Variants in GALNT2 observed in about 807,000 individuals in gnomAD.
GALNT2 encodes UDP-GalNAc:polypeptide N-acetylgalactosaminyltransferase 2.
In GALNT2, 31 loss-of-function variants were observed where a neutral mutation model predicts 81.4. The ratio of observed to expected loss-of-function variants is 0.38; its 90% CI spans 0.29 to 0.51. The LOEUF is 0.51. GALNT2 is among the 20% of genes least tolerant of loss of function. The pLI is 0.87. For missense variants in GALNT2, 629 were observed against 765.7 expected, an observed-to-expected ratio of 0.82 and a Z score of 2.11; for synonymous variants, 303 against 287.4, an observed-to-expected ratio of 1.05 and a Z score of -0.55.
Position 230,262,482 on chromosome 1 carries a change from C to T in GALNT2, c.1137-91C>T, listed in dbSNP as rs370123521. On this transcript the variant is annotated intron_variant, in intron 11 of 15. Transcript: ENST00000366672. ...GAGCTGCTGCACACCCAGAGGGAGC[C>T]GCCTCAGTCACACGCCAGCAGACAG... 6.1e-5 allele frequency: 67 copies of T among 1,091,500 alleles called. No homozygotes were observed. The African/African-American group carries it at 7.7e-4, about 13-fold the overall frequency. The allele number at this position is 1,091,500 out of a possible 1,614,324, so 67.6% of individuals were successfully genotyped here. A position where few individuals can be genotyped will look rare whatever the true frequency, so the allele number is the denominator to read the frequency against.
At chr1:230,185,384 G>A (rs1311092351) in intron 2 of GALNT2, among the ~76,000 whole-genome samples, 4 of 151,746 alleles carry the variant, frequency 2.6e-5, no homozygotes, top group African/African-American at 9.7e-5. Context: ...CTTGGTGCAC[G>A]GAACCCTGGT....
chr1:230,142,282 C>G (rs1414352868), intron 1 of GALNT2, among the ~76,000 whole-genome samples: 1 of 152,176 alleles, frequency 6.6e-6, no homozygotes, highest in Non-Finnish European at 1.5e-5. Flanking sequence ...CCACTTCTTT[C>G]CACATCAGCA....
intron 1 of GALNT2, among the ~76,000 whole-genome samples, chr1:230,104,871 A>G (rs1426810009): frequency 6.6e-6 from 1 of 152,220 alleles, no homozygotes; most frequent in Non-Finnish European, 1.5e-5. Context: ...ACTTAGGGAA[A>G]TGCCACACAG....
intron 10 of GALNT2, among the ~76,000 whole-genome samples, chr1:230,251,229 C>T (rs1476422040): frequency 6.6e-6 from 1 of 152,018 alleles, no homozygotes; most frequent in East Asian, 1.9e-4. Flanking sequence ...TCAATTAAAG[C>T]CTTTTGTTTC....
At position 230,255,310 on chromosome 1, in the gene GALNT2, A is replaced by G. The variant is rs1324319545; in HGVS notation, c.1102A>G (p.Thr368Ala). 8 of 1,614,072 alleles carry G rather than the reference A, an allele frequency of 5.0e-6. No homozygotes were observed. Among genetic ancestry groups the G allele is most frequent in the Non-Finnish European group, 6.8e-6 (8 of 1,180,044 alleles). Residue 368 changes from threonine to alanine, a missense_variant, in exon 11 of 16, where the codon ACG becomes GCG. By Grantham distance (58) the Thr-to-Ala change is moderately conservative. Around this residue, in one of 3 missense-constraint regions of GALNT2, gnomAD observed 360 missense variants for 492.8 expected, o/e 0.73. Coordinates refer to ENST00000366672, the MANE Select transcript of GALNT2 (RefSeq NM_004481.5). ...GHVFRKQHPYTFPGGSGTVFA... is the reference protein window; with the variant it reads ...GHVFRKQHPYAFPGGSGTVFA... The stretch of plus-strand genomic sequence containing the variant: ...CGTGTTCCGGAAGCAGCACCCCTAC[A>G]CGTTCCCGGGTGGCAGTGGCACTGT...
chr1:230,136,479 G>A (rs774024823), intron 1 of GALNT2, among the ~76,000 whole-genome samples: 13 of 152,154 alleles, frequency 8.5e-5, no homozygotes, highest in Admixed American at 5.9e-4. Context: ...TGTCTGCCGC[G>A]CTTTCTCTCC....
intron 1 of GALNT2, among the ~76,000 whole-genome samples, chr1:230,131,061 ATC>A (rs1558099167): frequency 6.6e-6 from 1 of 152,232 alleles, no homozygotes. Context: ...TGAGAAAGAA[ATC>A]AACAACCTAA....
chr1:230,233,590 G>T (rs982979891), intron 3 of GALNT2, among the ~76,000 whole-genome samples: 2 of 152,088 alleles, frequency 1.3e-5, no homozygotes, highest in African/African-American at 4.8e-5. Context: ...TCCAGCCTGG[G>T]TGACAAGAGC....
chr1:230,203,397 A>G, intron 3 of GALNT2, 107 bp downstream of exon 3: 1 of 1,316,400 alleles, frequency 7.6e-7, no homozygotes, highest in Non-Finnish European at 1.1e-6. Flanking sequence ...TGGGAAATTG[A>G]ATGTGTGTTG....
upstream of GALNT2, among the ~76,000 whole-genome samples, chr1:230,066,577 T>G (rs1391548385): frequency 1.3e-5 from 2 of 152,204 alleles, no homozygotes; most frequent in African/African-American, 2.4e-5. Context: ...TCAGGAATGT[T>G]TTGCTGCAAG....
At chr1:230,260,097 G>T (rs376360910) in intron 11 of GALNT2, among the ~76,000 whole-genome samples, 1 of 152,214 alleles carries the variant, frequency 6.6e-6, no homozygotes, top group Admixed American at 6.5e-5. Context: ...AGGCAGTTTC[G>T]TCACTATCTC....
At chr1:230,093,119 G>A (rs1301473442) in intron 1 of GALNT2, among the ~76,000 whole-genome samples, 2 of 152,210 alleles carry the variant, frequency 1.3e-5, no homozygotes, top group Non-Finnish European at 2.9e-5. Context: ...AAGCCAAGGG[G>A]AGCTCCTTCA....
chr1:230,082,439 C>G (rs780546576), intron 1 of GALNT2, among the ~76,000 whole-genome samples: 4 of 152,246 alleles, frequency 2.6e-5, no homozygotes, highest in Non-Finnish European at 5.9e-5. Context: ...TGCAGTTCCA[C>G]AGCCATTCAG....
intron 3 of GALNT2, among the ~76,000 whole-genome samples, chr1:230,208,582 A>G (rs1373849453): frequency 6.6e-6 from 1 of 152,186 alleles, no homozygotes; most frequent in African/African-American, 2.4e-5. Context: ...GTTAAGCCCA[A>G]GGGAATGGAT....
In GALNT2 at chr1:230,193,030, T is replaced by C. The variant is rs776989653; in HGVS notation, c.221-10107T>C. On this transcript the variant is annotated intron_variant, in intron 2 of 15. Coordinates refer to ENST00000366672, the MANE Select transcript of GALNT2 (RefSeq NM_004481.5). The surrounding 1 kb of genome is among the most constrained non-coding windows in gnomAD (Gnocchi z 4.3). ...AGGAAGAATATTAGGATTTTTTTTC[T>C]TTTAAGCACAGTAAAATTACATTCA... 3.9e-5 allele frequency among the ~76,000 whole-genome samples: 6 copies of C among 152,242 alleles called. No individual in the cohort carries two copies. The highest frequency in any genetic ancestry group is 1.4e-4 in the African/African-American group (6 of 41,458).
chr1:230,085,289 A>G (rs1041160266), intron 1 of GALNT2, among the ~76,000 whole-genome samples: 3 of 152,156 alleles, frequency 2.0e-5, no homozygotes, highest in Non-Finnish European at 4.4e-5. Context: ...GGAGTGGCCA[A>G]CCTGGAGATT....
At chr1:230,141,613 C>T (rs1390253706) in intron 1 of GALNT2, among the ~76,000 whole-genome samples, 9 of 152,036 alleles carry the variant, frequency 5.9e-5, no homozygotes, top group African/African-American at 1.4e-4. Flanking sequence ...TTGTAGCGCG[C>T]GTCAGAGTTT....
chr1:230,275,865 T>G lies in GALNT2; in HGVS notation c.1560+1301T>G, dbSNP rs1031044436. Among the ~76,000 whole-genome samples the G allele has an allele frequency of 6.6e-6, 1 of 151,326 alleles. No homozygotes were observed. Among genetic ancestry groups the G allele is most frequent in the Admixed American group, 6.6e-5 (1 of 15,156 alleles). ...TATACATGCCACATAGATATACATATATAAATGCCACAGATATATACATAT... is the reference window on the plus strand; with the variant it reads ...TATACATGCCACATAGATATACATAGATAAATGCCACAGATATATACATAT... On this transcript the variant is annotated intron_variant, in intron 15 of 15. Coordinates refer to ENST00000366672, the MANE Select transcript of GALNT2 (RefSeq NM_004481.5). The surrounding 1 kb of genome is among the most constrained non-coding windows in gnomAD (Gnocchi z 5.5).
intron 2 of GALNT2, among the ~76,000 whole-genome samples, chr1:230,196,701 C>G (rs1246523131): frequency 6.6e-5 from 10 of 152,132 alleles, no homozygotes; most frequent in Admixed American, 6.5e-4. Context: ...GCAGGCAGGC[C>G]CCGCTTCTCC....
Sources: allele counts gnomAD v4.1 joint callset (sites outside exome capture counted in the v4.1 genomes callset), GRCh38; gene constraint gnomAD v4.1.1; regional missense constraint gnomAD v4.1.1; non-coding constraint Gnocchi (gnomAD v3.1); transcripts MANE v1.5; gene names NCBI Gene and HGNC (gene_info 2026-07-23, HGNC 2026-07-21).